Variants in SCN3A observed in about 807,000 individuals in gnomAD.
SCN3A encodes the protein sodium channel protein type 3 subunit alpha.
In SCN3A, 60 loss-of-function variants were observed where a neutral mutation model predicts 187.6. The observed-to-expected ratio is 0.32, with a 90% CI of 0.26 to 0.40. The LOEUF (loss-of-function observed/expected upper bound fraction) is 0.40. Ranked by LOEUF, SCN3A falls within the 10% of genes least tolerant of loss-of-function variation. SCN3A has a pLI of 1.00. For synonymous variants in SCN3A, 788 were observed against 829.2 expected, an observed-to-expected ratio of 0.95 and a Z score of 0.85; for missense variants, 1,601 against 2,428.2, an observed-to-expected ratio of 0.66 and a Z score of 7.16.
chr2:165,190,836 A>T (rs1264300892), intron 1 of SCN3A, among the ~76,000 whole-genome samples: 1 of 151,770 alleles, frequency 6.6e-6, no homozygotes, highest in Non-Finnish European at 1.5e-5. Flanking sequence ...CTTTCAGGCC[A>T]TCTAGTTTCA....
chr2:165,193,535 A>G lies in SCN3A; in HGVS notation c.-247-6788T>C, dbSNP rs537614182. Among the ~76,000 whole-genome samples, 10 of 152,178 alleles carry G rather than the reference A, an allele frequency of 6.6e-5. No individual in the cohort carries two copies. The East Asian group carries it at 1.2e-3, about 18-fold the overall frequency. On this transcript the variant is annotated intron_variant, in intron 1 of 27. Coordinates refer to ENST00000283254, the MANE Select transcript of SCN3A (RefSeq NM_006922.4). The stretch of plus-strand genomic sequence containing the variant: ...AACATCAGCCATAATAGACAGCCCT[A>G]TGTGTTGCCCTCAGCCACATGTCTC...
intron 21 of SCN3A, among the ~76,000 whole-genome samples, chr2:165,101,394 G>T (rs1434872270): frequency 6.6e-6 from 1 of 152,060 alleles, no homozygotes; most frequent in Non-Finnish European, 1.5e-5. Context: ...CAAAGATATA[G>T]CTACCATTAC....
At position 165,088,233 on chromosome 2, in the gene SCN3A, A is replaced by G. The variant is rs1316188298; in HGVS notation, c.*1917T>C. ...GCAATTCCCTGCATGCAGTTCTTCAATACACTACAGTAAATAGTTTTGTAA... is the reference window on the plus strand; with the variant it reads ...GCAATTCCCTGCATGCAGTTCTTCAGTACACTACAGTAAATAGTTTTGTAA... On this transcript the variant is annotated 3_prime_UTR_variant, in exon 28 of 28. Transcript: ENST00000283254. 2.0e-5 allele frequency: 3 copies of G among 152,588 alleles called. No homozygotes were observed. The highest frequency in any genetic ancestry group is 6.5e-5 in the Admixed American group (1 of 15,276). 9.5% of individuals were successfully genotyped at this position (152,588 alleles called of 1,614,324 possible). A position where few individuals can be genotyped will look rare whatever the true frequency, so the allele number is the denominator to read the frequency against.
intron 12 of SCN3A, among the ~76,000 whole-genome samples, chr2:165,145,116 G>A (rs1268739510): frequency 6.6e-6 from 1 of 151,912 alleles, no homozygotes; most frequent in Non-Finnish European, 1.5e-5. Flanking sequence ...CTTTAATGTA[G>A]GTATTCTTAC....
chr2:165,127,724 G>C lies in SCN3A; in HGVS notation c.3300C>G (p.Thr1100=), dbSNP rs200804723. Residue 1100 remains threonine (T), a synonymous_variant, in exon 18 of 28, where the codon ACC becomes ACG. Coordinates refer to ENST00000283254, the MANE Select transcript of SCN3A (RefSeq NM_006922.4). The part of the protein sequence containing the change: ...YMSFINNPSL[T]VTVPIAVGES... Reference sequence around the variant, plus strand: ...CTCCAACAGCAATTGGCACTGTGACGGTGAGGCTGGGGTTGTTTATGAATG... The same window carrying C: ...CTCCAACAGCAATTGGCACTGTGACCGTGAGGCTGGGGTTGTTTATGAATG... The C allele has an allele frequency of 1.2e-6, 2 of 1,614,104 alleles. No individual in the cohort carries two copies. The highest frequency in any genetic ancestry group is 3.3e-5 in the Admixed American group (2 of 60,010).
At chr2:165,100,265 T>A (rs769858575) in intron 22 of SCN3A, 37 bp downstream of exon 22, 2 of 1,606,344 alleles carry the variant, frequency 1.2e-6, no homozygotes, top group South Asian at 2.2e-5. Context: ...CTACATGTAA[T>A]TTTGACATGA....
chr2:165,097,957 A>C (rs1685437298), intron 22 of SCN3A, among the ~76,000 whole-genome samples: 1 of 152,226 alleles, frequency 6.6e-6, no homozygotes, highest in Non-Finnish European at 1.5e-5. Context: ...AAGTATTAAA[A>C]ATGCCTTAAA....
intron 13 of SCN3A, among the ~76,000 whole-genome samples, chr2:165,139,893 T>G (rs1205821624): frequency 6.6e-6 from 1 of 152,196 alleles, no homozygotes; most frequent in African/African-American, 2.4e-5. Context: ...GGAAATTTGT[T>G]GTAAACATGC....
At chr2:165,175,596 C>T (rs1337085244) in intron 3 of SCN3A, among the ~76,000 whole-genome samples, 1 of 151,734 alleles carries the variant, frequency 6.6e-6, no homozygotes, top group Non-Finnish European at 1.5e-5. Flanking sequence ...AAGAGAAGAT[C>T]CTAATCATAT....
In SCN3A at chr2:165,156,512, C is replaced by CAAAAAA. The variant is rs558407270; in HGVS notation, c.1032-615_1032-610dup. 1.6e-3 allele frequency among the ~76,000 whole-genome samples: 101 copies of CAAAAAA among 63,702 alleles called. 4 individuals are homozygous for CAAAAAA. The highest frequency in any genetic ancestry group is 1.7e-3 in the African/African-American group (31 of 18,390). The allele number at this position is 63,702 out of a possible 152,430, so 41.8% of individuals were successfully genotyped here. On this transcript the variant is annotated intron_variant, in intron 9 of 27. Transcript: ENST00000283254. ...TGGGTGACAGAGCGAGACTCTGACTCAAAAAAAAAAAAAAAAAAAAAAAAA... is the reference window on the plus strand; with the variant it reads ...TGGGTGACAGAGCGAGACTCTGACTCAAAAAAAAAAAAAAAAAAAAAAAAAAAAAAA...
intron 12 of SCN3A, among the ~76,000 whole-genome samples, chr2:165,142,088 C>T (rs1264627103): frequency 1.3e-5 from 2 of 152,164 alleles, no homozygotes; most frequent in Non-Finnish European, 2.9e-5. Flanking sequence ...TTTCTCCCCT[C>T]ATCATGAACA....
chr2:165,104,554 A>C (rs1217177181), intron 21 of SCN3A, among the ~76,000 whole-genome samples: 2 of 151,932 alleles, frequency 1.3e-5, no homozygotes, highest in African/African-American at 4.8e-5. Flanking sequence ...AAAAACTGAA[A>C]AAAAAAAGCC....
chr2:165,124,844 A>G (rs188113958), intron 18 of SCN3A, among the ~76,000 whole-genome samples: 19 of 152,298 alleles, frequency 1.2e-4, no homozygotes, highest in African/African-American at 4.6e-4. Context: ...CCGAATGATT[A>G]TCACCATATT....
intron 16 of SCN3A, 166 bp from the exon 17 acceptor site, chr2:165,130,462 G>T: frequency 1.5e-6 from 1 of 689,434 alleles, no homozygotes. Context: ...AACAATATTA[G>T]AATTGTAAAT....
At chr2:165,168,988 C>T (rs1689948109) in intron 4 of SCN3A, among the ~76,000 whole-genome samples, 163 bp from the exon 5 acceptor site, 3 of 151,696 alleles carry the variant, frequency 2.0e-5, no homozygotes, top group Admixed American at 2.0e-4. Flanking sequence ...GTGATATGGC[C>T]TTGGTGCACT....
At chr2:165,139,784 C>A (rs2105807823) in intron 13 of SCN3A, 176 bp from the exon 14 acceptor site, 1 of 685,132 alleles carries the variant, frequency 1.5e-6, no homozygotes, top group Non-Finnish European at 2.4e-6. Flanking sequence ...AAAAAGTTAT[C>A]ACAGGTAGTA....
intron 15 of SCN3A, among the ~76,000 whole-genome samples, chr2:165,135,839 C>G (rs55833743): frequency 7.9e-5 from 12 of 152,084 alleles, no homozygotes; most frequent in Non-Finnish European, 1.3e-4. Context: ...ATAAATAACT[C>G]AAGTCTGTTC....
At chr2:165,123,068 T>C (rs1449002998) in intron 18 of SCN3A, among the ~76,000 whole-genome samples, 1 of 152,184 alleles carries the variant, frequency 6.6e-6, no homozygotes, top group African/African-American at 2.4e-5. Flanking sequence ...TTCATAGTTA[T>C]ATAAGTATTT....
At chr2:165,197,548 C>A (rs1258633727) in intron 1 of SCN3A, among the ~76,000 whole-genome samples, 4 of 149,314 alleles carry the variant, frequency 2.7e-5, no homozygotes, top group Non-Finnish European at 5.9e-5. Flanking sequence ...TTTTTGTTTT[C>A]TTTCAGTATG....
Sources: gnomAD v4.1 joint callset for allele counts (sites outside exome capture counted in the v4.1 genomes callset) on GRCh38, gnomAD v4.1.1 for gene constraint, MANE v1.5 for transcripts, NCBI Gene and HGNC (gene_info 2026-07-23, HGNC 2026-07-21) for gene names.